Variants in SBF2 observed in about 807,000 individuals in gnomAD.
The protein encoded by SBF2 is SET binding factor 2.
Under a neutral mutation model 225.2 loss-of-function variants are expected in SBF2, and 112 were observed. That is an observed-to-expected ratio of 0.50 (90% confidence interval 0.43 to 0.58). The LOEUF (loss-of-function observed/expected upper bound fraction) is 0.58. SBF2 is among the 20% of genes least tolerant of loss of function. The pLI, the probability that SBF2 is intolerant of heterozygous loss-of-function variation, is 0.00. For missense variants in SBF2, 1,996 were observed against 2,206.2 expected, an observed-to-expected ratio of 0.90 and a Z score of 1.91; for synonymous variants, 763 against 773.3, an observed-to-expected ratio of 0.99 and a Z score of 0.22.
At chr11:9,871,470 CTTATTATTATTATTA>C (rs375904547) in intron 17 of SBF2, among the ~76,000 whole-genome samples, 5 of 136,944 alleles carry the variant, frequency 3.7e-5, no homozygotes, top group African/African-American at 1.3e-4. Context: ...CAGGATGACG[CTTATTATTATTATTA>C]TTATTATTAT....
At chr11:9,989,688 A>T in intron 12 of SBF2, 93 bp from the exon 13 acceptor site, 2 of 761,458 alleles carry the variant, frequency 2.6e-6, no homozygotes, top group Middle Eastern at 2.4e-4. Flanking sequence ...AGCCAAAAAA[A>T]TCCAACATAT....
At chr11:10,223,252 T>C (rs1158167058) in intron 1 of SBF2, among the ~76,000 whole-genome samples, 1 of 151,342 alleles carries the variant, frequency 6.6e-6, no homozygotes, top group Non-Finnish European at 1.5e-5. Flanking sequence ...AATATACAGA[T>C]GACCCTTGAA....
intron 2 of SBF2, among the ~76,000 whole-genome samples, chr11:10,141,136 C>G (rs2135136025): frequency 6.6e-6 from 1 of 152,138 alleles, no homozygotes; most frequent in Admixed American, 6.5e-5. Context: ...AAATCTATAC[C>G]TGTGAATAAA....
chr11:10,041,855 A>C (rs1016439827), intron 3 of SBF2, among the ~76,000 whole-genome samples: 4 of 150,086 alleles, frequency 2.7e-5, no homozygotes, highest in Non-Finnish European at 6.0e-5. Context: ...GGCTTACTCA[A>C]TATCTTCGAA....
chr11:9,965,481 G>T (rs2403228), intron 14 of SBF2, among the ~76,000 whole-genome samples: 77,463 of 151,786 alleles, frequency 0.51, 20,271 homozygotes, highest in Admixed American at 0.61. Flanking sequence ...AGAGACAGCG[G>T]TTCTCTATGT....
chr11:10,249,373 G>A (rs1327731188), intron 1 of SBF2, among the ~76,000 whole-genome samples: 2 of 152,020 alleles, frequency 1.3e-5, no homozygotes, highest in African/African-American at 4.8e-5. Context: ...ATGTAAGAGT[G>A]AAATATGGCT....
intron 1 of SBF2, among the ~76,000 whole-genome samples, chr11:10,214,548 A>C (rs1476115149): frequency 6.6e-6 from 1 of 152,100 alleles, no homozygotes; most frequent in Non-Finnish European, 1.5e-5. Context: ...GCTTGAACCT[A>C]GGAGGCGGAG....
intron 16 of SBF2, among the ~76,000 whole-genome samples, chr11:9,911,616 T>G (rs2134188358): frequency 6.6e-6 from 1 of 152,262 alleles, no homozygotes; most frequent in African/African-American, 2.4e-5. Context: ...GTTTATAAAG[T>G]CTACAGTAGC....
chr11:9,829,251 G>T, intron 28 of SBF2, 105 bp downstream of exon 28: 2 of 1,310,842 alleles, frequency 1.5e-6, no homozygotes, highest in Non-Finnish European at 2.2e-6. Flanking sequence ...AAGAAGTCTT[G>T]GTGAAGGAAC....
intron 7 of SBF2, among the ~76,000 whole-genome samples, chr11:10,001,558 G>T (rs893099566): frequency 4.7e-5 from 7 of 150,202 alleles, no homozygotes; most frequent in Non-Finnish European, 3.0e-5. Context: ...GGAGTCTCAC[G>T]CTGTCGCCCA....
At chr11:9,902,969 A>C (rs892590571) in intron 16 of SBF2, among the ~76,000 whole-genome samples, 4 of 151,994 alleles carry the variant, frequency 2.6e-5, no homozygotes, top group Admixed American at 6.6e-5. Flanking sequence ...TAAAAAAAAA[A>C]AACAACAAAC....
At chr11:9,971,024 T>A (rs1232364521) in intron 13 of SBF2, among the ~76,000 whole-genome samples, 1 of 152,216 alleles carries the variant, frequency 6.6e-6, no homozygotes, top group Non-Finnish European at 1.5e-5. Context: ...GGCATGACTC[T>A]TACTCATATA....
At chr11:9,883,530 C>T (rs753101799) in intron 17 of SBF2, among the ~76,000 whole-genome samples, 1 of 152,068 alleles carries the variant, frequency 6.6e-6, no homozygotes, top group African/African-American at 2.4e-5. Context: ...GGATTAAATC[C>T]TCACGTGTGT....
intron 34 of SBF2, 68 bp from the exon 35 acceptor site, chr11:9,789,410 A>C (rs1479421714): frequency 2.0e-5 from 22 of 1,108,278 alleles, no homozygotes; most frequent in South Asian, 1.3e-4. Flanking sequence ...TGTCAGGCAA[A>C]CCCCTAACAT....
At chr11:9,980,395 C>CA (rs1946902555) in intron 13 of SBF2, among the ~76,000 whole-genome samples, 1 of 151,884 alleles carries the variant, frequency 6.6e-6, no homozygotes. Context: ...CTCGGCCTCC[C>CA]AAAGTGCTGA....
intron 1 of SBF2, among the ~76,000 whole-genome samples, chr11:10,194,405 T>C (rs934905219): frequency 3.9e-5 from 6 of 152,188 alleles, no homozygotes; most frequent in African/African-American, 1.2e-4. Context: ...CCATTTTATA[T>C]AAGGAACTTG....
intron 1 of SBF2, among the ~76,000 whole-genome samples, chr11:10,280,122 A>G (rs1963301732): frequency 6.6e-6 from 1 of 151,974 alleles, no homozygotes. Context: ...TGCTCTAATG[A>G]GCATTTCCTT....
At chr11:9,854,115 C>CA (rs1857151411) in intron 19 of SBF2, among the ~76,000 whole-genome samples, 1 of 152,190 alleles carries the variant, frequency 6.6e-6, no homozygotes, top group East Asian at 1.9e-4. Context: ...ACAAGTAATA[C>CA]AGCTATCTTT....
chr11:10,162,074 T>C (rs1022032785), intron 2 of SBF2, among the ~76,000 whole-genome samples: 1 of 152,070 alleles, frequency 6.6e-6, no homozygotes, highest in Non-Finnish European at 1.5e-5. Context: ...GACGAGAACA[T>C]GAAGATAAGA....
Sources: gnomAD v4.1 joint callset for allele counts (sites outside exome capture counted in the v4.1 genomes callset) on GRCh38, gnomAD v4.1.1 for gene constraint, MANE v1.5 for transcripts, NCBI Gene and HGNC (gene_info 2026-07-23, HGNC 2026-07-21) for gene names.